Variants in TAF1 observed in about 807,000 individuals in gnomAD.
The protein encoded by TAF1 is transcription initiation factor TFIID subunit 1.
A neutral mutation model predicts 138.5 loss-of-function variants in TAF1; 2 were observed. That is an observed-to-expected ratio of 0.01 (90% CI 0.01 to 0.05). The LOEUF (loss-of-function observed/expected upper bound fraction) is 0.05. TAF1 is among the 10% of genes least tolerant of loss of function. TAF1 has a pLI of 1.00. For missense variants in TAF1, 709 were observed against 1,478.0 expected (o/e 0.48, Z 8.53); for synonymous variants, 437 against 503.2 (o/e 0.87, Z 1.76).
chrX:71,464,842 C>T lies in TAF1; in HGVS notation c.*796C>T, dbSNP rs1001332352. On this transcript the variant is annotated 3_prime_UTR_variant, in exon 38 of 38. Transcript: ENST00000423759. ...GCTACACTTAAACCTGTGAGACAAA[C>T]CGCCCATTATTTTATTATTTAATTA... is the stretch of plus-strand genomic sequence containing the variant. The T allele has an allele frequency of 8.9e-6, 1 of 112,043 alleles. No individual in the cohort carries two copies. Among genetic ancestry groups the T allele is most frequent in the African/African-American group, 3.2e-5 (1 of 30,781 alleles). The allele number at this position is 112,043 out of a possible 1,213,427, so 9.2% of individuals were successfully genotyped here. A position where few individuals can be genotyped will look rare whatever the true frequency, so the allele number is the denominator to read the frequency against.
chrX:71,456,707 C>CTTTTTTTTTT (rs2038318054), intron 34 of TAF1, among the ~76,000 whole-genome samples: 4 of 53,683 alleles, frequency 7.5e-5, no homozygotes, highest in African/African-American at 2.4e-4. Context: ...CCGAGTTTTG[C>CTTTTTTTTTT]TCTTGTCACC....
intron 13 of TAF1, among the ~76,000 whole-genome samples, chrX:71,500,232 G>T (rs2039473354): frequency 1.8e-5 from 2 of 111,012 alleles, no homozygotes; most frequent in African/African-American, 6.6e-5. Flanking sequence ...TCGATGAAAA[G>T]AAAGCTTGGA....
chrX:71,524,803 C>A (rs1268380485), intron 13 of TAF1, among the ~76,000 whole-genome samples: 1 of 108,364 alleles, frequency 9.2e-6, no homozygotes, highest in Non-Finnish European at 1.9e-5. Flanking sequence ...CAGCCAGGTG[C>A]AGTGGCGGTT....
chrX:71,423,291 A>G (rs1231162977), intron 30 of TAF1, 52 bp downstream of exon 30: 12 of 1,206,526 alleles, frequency 9.9e-6, no homozygotes, highest in Non-Finnish European at 1.1e-5. Flanking sequence ...GGAAAGGAAA[A>G]ATGTTTAGGG....
downstream of TAF1, among the ~76,000 whole-genome samples, chrX:71,467,952 C>A (rs1885531894): frequency 8.9e-6 from 1 of 111,992 alleles, no homozygotes; most frequent in Non-Finnish European, 1.9e-5. Flanking sequence ...TGACACCGTG[C>A]ATCAAGAGCA....
At chrX:71,467,420 C>G (rs749516196), downstream of TAF1, among the ~76,000 whole-genome samples, 4 of 111,137 alleles carry the variant, frequency 3.6e-5, no homozygotes, top group Admixed American at 9.7e-5. Flanking sequence ...CAATCCTTTT[C>G]TAAAGAGGCC....
chrX:71,462,532 A>G (rs759793111), intron 37 of TAF1, among the ~76,000 whole-genome samples: 2 of 111,515 alleles, frequency 1.8e-5, no homozygotes, highest in Non-Finnish European at 3.8e-5. Flanking sequence ...AGATCGTGCC[A>G]CTGTACTCCA....
At chrX:71,393,899 T>C (rs977171376) in intron 21 of TAF1, among the ~76,000 whole-genome samples, 168 bp from the exon 22 acceptor site, 3 of 112,604 alleles carry the variant, frequency 2.7e-5, no homozygotes, top group East Asian at 5.5e-4. Flanking sequence ...TTCAAACTTA[T>C]CTTGTTGACC....
intron 13 of TAF1, among the ~76,000 whole-genome samples, chrX:71,523,789 T>C (rs2039945971): frequency 9.0e-6 from 1 of 111,327 alleles, no homozygotes; most frequent in Non-Finnish European, 1.9e-5. Context: ...TGCACCATGA[T>C]TTCACAAATA....
At chrX:71,374,123 G>T (rs1262948392) in intron 3 of TAF1, among the ~76,000 whole-genome samples, 1 of 107,457 alleles carries the variant, frequency 9.3e-6, no homozygotes, top group African/African-American at 3.4e-5. Context: ...TCACTGTGTC[G>T]CCCAGGCTGG....
intron 13 of TAF1, chrX:71,485,113 G>A (rs1353031301): frequency 8.9e-6 from 1 of 112,120 alleles, no homozygotes; most frequent in African/African-American, 3.2e-5. Context: ...GAGAAACCCT[G>A]AACTGTAAGA....
At chrX:71,394,366 A>G (rs1354424586) in intron 22 of TAF1, 121 bp downstream of exon 22, 1 of 906,482 alleles carries the variant, frequency 1.1e-6, no homozygotes, top group Admixed American at 3.9e-5. Flanking sequence ...GCATGTAGAA[A>G]AGTCTGTGAA....
At chrX:71,418,562 A>G (rs1159692266) in intron 28 of TAF1, among the ~76,000 whole-genome samples, 1 of 112,536 alleles carries the variant, frequency 8.9e-6, no homozygotes. Context: ...TCTGGGGAGC[A>G]CTAACACAAA....
chrX:71,471,088 C>T (rs910608495), intron 13 of TAF1, among the ~76,000 whole-genome samples: 2 of 108,031 alleles, frequency 1.9e-5, no homozygotes, highest in Admixed American at 1.0e-4. Flanking sequence ...GAGGCCGAGG[C>T]GGGAGAATCA....
downstream of TAF1, among the ~76,000 whole-genome samples, chrX:71,470,367 T>C (rs1425876184): frequency 9.0e-6 from 1 of 110,588 alleles, no homozygotes; most frequent in Non-Finnish European, 1.9e-5. Context: ...ATAGGTGACA[T>C]TTCTTTTACC....
chrX:71,400,440 G>T (rs776424420), intron 24 of TAF1, among the ~76,000 whole-genome samples: 13 of 111,928 alleles, frequency 1.2e-4, no homozygotes, highest in Non-Finnish European at 2.3e-4. Flanking sequence ...TTGTCTGTGT[G>T]TATATATTTT....
intron 18 of TAF1, among the ~76,000 whole-genome samples, chrX:71,392,331 C>A (rs372381231): frequency 9.0e-6 from 1 of 111,232 alleles, no homozygotes; most frequent in Admixed American, 9.6e-5. Flanking sequence ...AGCTCTTGAC[C>A]TCTATTTAAT....
At chrX:71,388,491 A>G (rs2034372742) in intron 16 of TAF1, 113 bp downstream of exon 16, 6 of 1,057,586 alleles carry the variant, frequency 5.7e-6, no homozygotes, top group Non-Finnish European at 7.6e-6. Flanking sequence ...TGGCTGTTGA[A>G]AGGAGGTAGC....
At chrX:71,486,100 C>T (rs1055597272) in intron 13 of TAF1, among the ~76,000 whole-genome samples, 1 of 110,082 alleles carries the variant, frequency 9.1e-6, no homozygotes. Context: ...CTCAGCCTCT[C>T]GTGTAGCTGG....
Sources: allele counts gnomAD v4.1 joint callset (sites outside exome capture counted in the v4.1 genomes callset), GRCh38; gene constraint gnomAD v4.1.1; transcripts MANE v1.5; gene names NCBI Gene and HGNC (gene_info 2026-07-23, HGNC 2026-07-21).